KIF21A: variants seen among roughly 807,000 people sequenced by gnomAD.
The protein encoded by KIF21A is kinesin-like protein KIF21A.
In KIF21A, 114 loss-of-function variants were observed where a neutral mutation model predicts 202.9. The observed-to-expected ratio is 0.56, with a 90% CI of 0.48 to 0.66. The LOEUF is 0.66. KIF21A is among the 30% of genes least tolerant of loss of function. The pLI, the probability that KIF21A is intolerant of heterozygous loss-of-function variation, is 0.00. For missense variants in KIF21A, 1,677 were observed against 1,994.9 expected, an observed-to-expected ratio of 0.84 and a Z score of 3.04; for synonymous variants, 667 against 670.8, an observed-to-expected ratio of 0.99 and a Z score of 0.09.
At chr12:39,307,185 T>A (rs1483887057) in intron 34 of KIF21A, among the ~76,000 whole-genome samples, 1 of 152,100 alleles carries the variant, frequency 6.6e-6, no homozygotes, top group African/African-American at 2.4e-5. Flanking sequence ...AATTAAAAAA[T>A]TTAAGATATA....
intron 17 of KIF21A, among the ~76,000 whole-genome samples, chr12:39,334,200 CAAA>C (rs576176350): frequency 2.4e-4 from 15 of 63,732 alleles, no homozygotes; most frequent in East Asian, 1.1e-3. Context: ...GACTCCATCT[CAAA>C]AAAAAAAAAA....
intron 34 of KIF21A, among the ~76,000 whole-genome samples, chr12:39,305,612 C>T (rs1450905540): frequency 2.0e-5 from 3 of 152,088 alleles, no homozygotes; most frequent in Non-Finnish European, 4.4e-5. Flanking sequence ...ATCTATGATG[C>T]AAACGGGAGA....
chr12:39,353,582 A>G (rs1447621615), intron 10 of KIF21A, among the ~76,000 whole-genome samples: 1 of 152,160 alleles, frequency 6.6e-6, no homozygotes, highest in Non-Finnish European at 1.5e-5. Flanking sequence ...GTACCTAATA[A>G]TGAATGCTAA....
chr12:39,336,446 C>T (rs1321748450), intron 17 of KIF21A, among the ~76,000 whole-genome samples: 1 of 152,078 alleles, frequency 6.6e-6, no homozygotes, highest in African/African-American at 2.4e-5. Flanking sequence ...AATGCATGGT[C>T]ATTTTTCAGA....
In KIF21A at chr12:39,442,848, G is replaced by A; in HGVS notation, c.44+79C>T. The A allele has an allele frequency of 4.0e-6, 6 of 1,490,650 alleles. No individual in the cohort carries two copies. Among genetic ancestry groups the A allele is most frequent in the Non-Finnish European group, 5.4e-6 (6 of 1,116,066 alleles). 92.3% of individuals were successfully genotyped at this position (1,490,650 alleles called of 1,614,324 possible). A position where few individuals can be genotyped will look rare whatever the true frequency, so the allele number is the denominator to read the frequency against. ...CTCAGGTCGCTCCACCCCGGTAGCC[G>A]GTGCTCCGCGCCACAGCCAGGTCCT... On this transcript the variant is annotated intron_variant, in intron 1 of 37. Coordinates refer to ENST00000361418, the MANE Select transcript of KIF21A (RefSeq NM_001173464.2). The surrounding 1 kb of genome is among the most constrained non-coding windows in gnomAD (Gnocchi z 5.0).
chr12:39,353,358 T>C (rs377722548), intron 10 of KIF21A, among the ~76,000 whole-genome samples: 15 of 152,152 alleles, frequency 9.9e-5, no homozygotes, highest in African/African-American at 3.6e-4. Flanking sequence ...TTTTATTATA[T>C]ATGTGATACC....
Position 39,293,925 on chromosome 12 carries a change from CAT to C in KIF21A, c.*497_*498del, listed in dbSNP as rs1200170788. 1 of 155,910 alleles carries C rather than the reference CAT, an allele frequency of 6.4e-6. No homozygotes were observed. The highest frequency in any genetic ancestry group is 1.4e-5 in the Non-Finnish European group (1 of 70,226). 9.7% of individuals were successfully genotyped at this position (155,910 alleles called of 1,614,324 possible). ...TCTCATATCTTATTTTTGTCCATTA[CAT>C]TAAAAGAGCTTTGAAATTTGGGAAT... On this transcript the variant is annotated 3_prime_UTR_variant, in exon 38 of 38. Coordinates refer to ENST00000361418, the MANE Select transcript of KIF21A (RefSeq NM_001173464.2).
At chr12:39,309,143 A>C (rs1330656433) in intron 33 of KIF21A, among the ~76,000 whole-genome samples, 1 of 152,168 alleles carries the variant, frequency 6.6e-6, no homozygotes, top group Non-Finnish European at 1.5e-5. Context: ...GTCCTTAAAA[A>C]ACACTCTCAG....
At chr12:39,304,777 T>C (rs1273087820) in intron 35 of KIF21A, 44 bp downstream of exon 35, 4 of 1,016,460 alleles carry the variant, frequency 3.9e-6, no homozygotes, top group Admixed American at 1.7e-5. Flanking sequence ...TTCAAAATTA[T>C]CATTTAATAG....
intron 1 of KIF21A, among the ~76,000 whole-genome samples, chr12:39,412,871 G>T (rs1360706208): frequency 1.3e-5 from 2 of 152,116 alleles, no homozygotes; most frequent in African/African-American, 4.8e-5. Flanking sequence ...TTAAAATGCT[G>T]CACTAAAACT....
chr12:39,317,613 A>G (rs902291354), intron 29 of KIF21A, among the ~76,000 whole-genome samples: 2 of 152,218 alleles, frequency 1.3e-5, no homozygotes, highest in African/African-American at 4.8e-5. Flanking sequence ...GAACTTGTCT[A>G]GAACAATCAG....
intron 1 of KIF21A, among the ~76,000 whole-genome samples, chr12:39,408,461 C>T (rs1051985293): frequency 1.3e-5 from 2 of 152,134 alleles, no homozygotes; most frequent in Admixed American, 6.5e-5. Context: ...AGGCCACAGA[C>T]TGTTACCAGT....
At chr12:39,360,903 A>G (rs1843921342) in intron 7 of KIF21A, among the ~76,000 whole-genome samples, 1 of 152,232 alleles carries the variant, frequency 6.6e-6, no homozygotes, top group South Asian at 2.1e-4. Context: ...ATTTGTATAA[A>G]CTTCAAAAAG....
chr12:39,436,225 C>T (rs1938660514), intron 1 of KIF21A, among the ~76,000 whole-genome samples: 2 of 151,518 alleles, frequency 1.3e-5, no homozygotes, highest in East Asian at 1.9e-4. Flanking sequence ...TAGCAAAACA[C>T]GAAGTCCTAG....
At chr12:39,434,247 T>G (rs1938370254) in intron 1 of KIF21A, among the ~76,000 whole-genome samples, 1 of 152,216 alleles carries the variant, frequency 6.6e-6, no homozygotes, top group African/African-American at 2.4e-5. Context: ...AAGAGGGGAC[T>G]AAACTCTTTT....
Position 39,319,961 on chromosome 12 carries a change from T to C in KIF21A, c.3724A>G (p.Thr1242Ala), listed in dbSNP as rs776087480. ...EKKIPEPSPV[T>A]RRKAYEKAEK... ...GCTTTCTCATATGCCTTTCTCCTTG[T>C]TACAGGAGAAGGCTCTGGAATTTTT... Residue 1242 changes from threonine to alanine, a missense_variant, in exon 28 of 38, where the codon ACA becomes GCA. Physicochemically the swap from Thr to Ala is moderately conservative, Grantham distance 58. Around this residue, in one of 3 missense-constraint regions of KIF21A, gnomAD observed 705 missense variants for 791.9 expected, o/e 0.89. Coordinates refer to ENST00000361418, the MANE Select transcript of KIF21A (RefSeq NM_001173464.2). 3 of 1,609,862 alleles carry C rather than the reference T, an allele frequency of 1.9e-6. No individual in the cohort carries two copies. The highest frequency in any genetic ancestry group is 1.1e-5 in the South Asian group (1 of 90,572).
rs144119911 is a variant in KIF21A, at chr12:39,394,704, G to A, written c.45-24443C>T. The stretch of plus-strand genomic sequence containing the variant: ...ACCCAGATCTACCACTTTTTGTCAG[G>A]TGATTATGTAATATTGGCATGGCAA... On this transcript the variant is annotated intron_variant, in intron 1 of 37. Transcript: ENST00000361418. 4.4e-3 allele frequency among the ~76,000 whole-genome samples: 670 copies of A among 152,252 alleles called. 1 individual carries two copies. Among genetic ancestry groups the A allele is most frequent in the Middle Eastern group, 0.01 (3 of 294 alleles).
intron 1 of KIF21A, among the ~76,000 whole-genome samples, chr12:39,431,801 A>C (rs2140360863): frequency 6.6e-6 from 1 of 152,370 alleles, no homozygotes; most frequent in East Asian, 1.9e-4. Flanking sequence ...AATTCCTCTC[A>C]TGTAACAAAA....
chr12:39,376,451 G>T (rs947035076), intron 1 of KIF21A, among the ~76,000 whole-genome samples: 1 of 152,098 alleles, frequency 6.6e-6, no homozygotes, highest in African/African-American at 2.4e-5. Context: ...CATTCAGAAA[G>T]GAATAGAACT....
Sources: gnomAD v4.1 joint callset for allele counts (sites outside exome capture counted in the v4.1 genomes callset) on GRCh38, gnomAD v4.1.1 for gene constraint, gnomAD v4.1.1 regional missense constraint, Gnocchi (gnomAD v3.1) non-coding constraint, MANE v1.5 for transcripts, NCBI Gene and HGNC (gene_info 2026-07-23, HGNC 2026-07-21) for gene names.